CERKL: variants seen among roughly 807,000 people sequenced by gnomAD.
The protein encoded by CERKL is CERK like autophagy regulator.
In CERKL, 61 loss-of-function variants were observed where a neutral mutation model predicts 63.4. The ratio of observed to expected loss-of-function variants is 0.96; its 90% CI spans 0.78 to 1.19. The LOEUF (loss-of-function observed/expected upper bound fraction) is 1.19. Among genes scored for constraint, CERKL ranks in the 50% most tolerant of loss-of-function variants. CERKL has a pLI of 0.00. For synonymous variants in CERKL, 250 were observed against 230.5 expected (o/e 1.08, Z -0.77); for missense variants, 675 against 655.5 (o/e 1.03, Z -0.33).
At chr2:181,591,493 A>G (rs555788828) in intron 2 of CERKL, among the ~76,000 whole-genome samples, 162 of 152,276 alleles carry the variant, frequency 1.1e-3, no homozygotes, top group Non-Finnish European at 1.9e-3. Context: ...TTTGAACACA[A>G]TACTTGAAAT....
At position 181,558,444 on chromosome 2, in the gene CERKL, G is replaced by A; in HGVS notation, c.820+122C>T. The A allele has an allele frequency of 2.8e-6, 3 of 1,065,384 alleles. No individual in the cohort carries two copies. Among genetic ancestry groups the A allele is most frequent in the Non-Finnish European group, 4.3e-6 (3 of 697,532 alleles). 66.0% of individuals were successfully genotyped at this position (1,065,384 alleles called of 1,614,324 possible). On this transcript the variant is annotated intron_variant, in intron 5 of 12. Transcript: ENST00000410087. The surrounding 1 kb of genome is among the most constrained non-coding windows in gnomAD (Gnocchi z 4.2). ...AAGTCTCACATTTGCTAGTGGGGAT[G>A]CCAGAAGTCTGGATCTTTCAAAGTC...
intron 1 of CERKL, among the ~76,000 whole-genome samples, chr2:181,630,032 C>T (rs1053477498): frequency 6.6e-6 from 1 of 151,378 alleles, no homozygotes; most frequent in Non-Finnish European, 1.5e-5. Flanking sequence ...GAATAAAACC[C>T]ACTTTTTTTT....
chr2:181,597,767 G>A (rs1685281061), intron 2 of CERKL, among the ~76,000 whole-genome samples: 1 of 152,150 alleles, frequency 6.6e-6, no homozygotes, highest in Non-Finnish European at 1.5e-5. Context: ...CTACCCTTGA[G>A]TCTCTGTAGC....
chr2:181,601,265 T>C (rs563036537), intron 2 of CERKL, among the ~76,000 whole-genome samples: 20 of 152,304 alleles, frequency 1.3e-4, no homozygotes, highest in African/African-American at 4.8e-4. Flanking sequence ...ATATTAGTTT[T>C]AAGAGAAGTG....
intron 1 of CERKL, among the ~76,000 whole-genome samples, chr2:181,641,033 A>G (rs377419193): frequency 6.6e-6 from 1 of 152,208 alleles, no homozygotes; most frequent in East Asian, 1.9e-4. Context: ...TAGGAATAAC[A>G]TTAGTCTCCA....
At chr2:181,638,892 G>A (rs947512349) in intron 1 of CERKL, among the ~76,000 whole-genome samples, 5 of 152,074 alleles carry the variant, frequency 3.3e-5, no homozygotes, top group African/African-American at 4.8e-5. Flanking sequence ...TCCCCTTTAC[G>A]GGTATCAGAG....
intron 1 of CERKL, among the ~76,000 whole-genome samples, chr2:181,628,885 T>C (rs142550084): frequency 2.7e-3 from 418 of 152,296 alleles, no homozygotes; most frequent in Non-Finnish European, 4.9e-3. Context: ...CATATAATTA[T>C]GCTGGGTACA....
intron 11 of CERKL, 60 bp downstream of exon 11, chr2:181,544,640 G>T: frequency 2.1e-6 from 2 of 946,022 alleles, no homozygotes; most frequent in Non-Finnish European, 3.4e-6. Context: ...AATTCTTGCA[G>T]CATCTTTTTC....
intron 2 of CERKL, among the ~76,000 whole-genome samples, chr2:181,584,889 T>G (rs1054996674): frequency 6.6e-6 from 1 of 151,778 alleles, no homozygotes; most frequent in Non-Finnish European, 1.5e-5. Context: ...AGGCCCTTCA[T>G]GACCCACCCT....
intron 1 of CERKL, among the ~76,000 whole-genome samples, chr2:181,638,195 T>C (rs1432541493): frequency 6.6e-6 from 1 of 152,208 alleles, no homozygotes; most frequent in Non-Finnish European, 1.5e-5. Context: ...CTCTGTTCTT[T>C]GAAAAACCTA....
At chr2:181,543,119 A>T (rs1355415808) in intron 11 of CERKL, among the ~76,000 whole-genome samples, 1 of 152,234 alleles carries the variant, frequency 6.6e-6, no homozygotes, top group Non-Finnish European at 1.5e-5. Context: ...TCATTTATTT[A>T]ATAAAAAAGG....
chr2:181,548,623 TG>T lies in CERKL; in HGVS notation c.1074-20del, dbSNP rs1253116264. 2 of 1,612,886 alleles carry T rather than the reference TG, an allele frequency of 1.2e-6. No individual in the cohort carries two copies. Among genetic ancestry groups the T allele is most frequent in the Non-Finnish European group, 1.7e-6 (2 of 1,179,056 alleles). On this transcript the variant is annotated intron_variant, in intron 7 of 12. Transcript: ENST00000410087. The stretch of plus-strand genomic sequence containing the variant: ...TTCTGCCCTAAAATGTAATGAAATT[TG>T]TTATTAACAGTCATTGAACCTGGGA...
rs774260786 is a variant in CERKL at position 181,538,162 on chromosome 2, T to G, written c.*22A>C. 2.0e-6 allele frequency: 3 copies of G among 1,483,000 alleles called. No individual in the cohort carries two copies. The highest frequency in any genetic ancestry group is 2.8e-6 in the Non-Finnish European group (3 of 1,063,026). The allele number at this position is 1,483,000 out of a possible 1,614,324, so 91.9% of individuals were successfully genotyped here. The stretch of plus-strand genomic sequence containing the variant: ...TATATTAAAATTCTAGTTTGTACAT[T>G]TCTTTTAGAAACAATTACATGTTAC... On this transcript the variant is annotated 3_prime_UTR_variant, in exon 13 of 13. Coordinates refer to ENST00000410087, the MANE Select transcript of CERKL (RefSeq NM_201548.5).
intron 5 of CERKL, among the ~76,000 whole-genome samples, chr2:181,551,479 T>A (rs1046553693): frequency 1.3e-5 from 2 of 151,626 alleles, no homozygotes; most frequent in South Asian, 2.1e-4. Context: ...GAAAAAAAAA[T>A]TCCATCAAAA....
At position 181,537,508 on chromosome 2, in the gene CERKL, A is replaced by G. The variant is rs1687207100; in HGVS notation, c.*676T>C. 4 of 451,958 alleles carry G rather than the reference A, an allele frequency of 8.9e-6. No individual in the cohort carries two copies. The highest frequency in any genetic ancestry group is 1.6e-5 in the South Asian group (1 of 64,284). 28.0% of individuals were successfully genotyped at this position (451,958 alleles called of 1,614,324 possible). On this transcript the variant is annotated 3_prime_UTR_variant, in exon 13 of 13. Coordinates refer to ENST00000410087, the MANE Select transcript of CERKL (RefSeq NM_201548.5). Reference sequence around the variant, plus strand: ...GTTATTCTTTTTTGGCAGGTAGGCTATATAACTATGTGATTTTGAAATTTA... The same window carrying G: ...GTTATTCTTTTTTGGCAGGTAGGCTGTATAACTATGTGATTTTGAAATTTA...
At chr2:181,548,338 G>GGAAGGGAGGAAA in intron 8 of CERKL, 1 of 586,006 alleles carries the variant, frequency 1.7e-6, no homozygotes, top group East Asian at 2.9e-5. Flanking sequence ...ACAGGGGGAA[G>GGAAGGGAGGAAA]GAAGGGAGGA....
At chr2:181,626,491 C>T (rs1686709931) in intron 1 of CERKL, among the ~76,000 whole-genome samples, 1 of 152,160 alleles carries the variant, frequency 6.6e-6, no homozygotes, top group Admixed American at 6.5e-5. Flanking sequence ...GTGGGTCAAC[C>T]ACAGCTCCCC....
chr2:181,556,244 TTATATA>T (rs58907861), intron 5 of CERKL, among the ~76,000 whole-genome samples: 2 of 150,252 alleles, frequency 1.3e-5, no homozygotes, highest in African/African-American at 4.9e-5. Flanking sequence ...AGGCTGTATA[TTATATA>T]TATATATAAT....
intron 1 of CERKL, among the ~76,000 whole-genome samples, chr2:181,620,619 T>C (rs1052991524): frequency 4.6e-5 from 7 of 152,170 alleles, no homozygotes; most frequent in Non-Finnish European, 1.0e-4. Context: ...GTAATTGTTA[T>C]TTTTACTTGA....
Sources: allele counts gnomAD v4.1 joint callset (sites outside exome capture counted in the v4.1 genomes callset), GRCh38; gene constraint gnomAD v4.1.1; non-coding constraint Gnocchi (gnomAD v3.1); transcripts MANE v1.5; gene names NCBI Gene and HGNC (gene_info 2026-07-23, HGNC 2026-07-21).